The following TRPC5 variants were observed in gnomAD, a reference collection of about 807,000 sequenced individuals.
TRPC5 encodes the protein short transient receptor potential channel 5.
TRPC5 carries 9 observed loss-of-function variants against 56.5 expected under a neutral mutation model. The observed-to-expected ratio is 0.16, with a 90% CI of 0.10 to 0.28. The LOEUF is 0.28. Among genes scored for constraint, TRPC5 ranks in the 10% least tolerant of loss-of-function variants. The pLI is 1.00. For synonymous variants in TRPC5, 282 were observed against 278.5 expected, an observed-to-expected ratio of 1.01 and a Z score of -0.13; for missense variants, 469 against 748.9, an observed-to-expected ratio of 0.63 and a Z score of 4.36.
rs760107483 is a variant in TRPC5 at position 111,909,111 on chromosome X, C to A, written c.900+3180G>T. On this transcript the variant is annotated intron_variant, in intron 3 of 10. Coordinates refer to ENST00000262839, the MANE Select transcript of TRPC5 (RefSeq NM_012471.3). ...CCGGCCTGGCCAGCATGGCGAAACCCCGTCTCTACTAAAAATAAATAAATA... is the reference window on the plus strand; with the variant it reads ...CCGGCCTGGCCAGCATGGCGAAACCACGTCTCTACTAAAAATAAATAAATA... 3.9e-3 allele frequency among the ~76,000 whole-genome samples: 410 copies of A among 105,526 alleles called. 2 individuals carry two copies. Among genetic ancestry groups the A allele is most frequent in the Non-Finnish European group, 6.3e-3 (326 of 51,764 alleles). The allele number at this position is 105,526 out of a possible 115,157, so 91.6% of individuals were successfully genotyped here. A position where few individuals can be genotyped will look rare whatever the true frequency, so the allele number is the denominator to read the frequency against.
At chrX:112,077,818 C>G (rs1471360679) in intron 1 of TRPC5, among the ~76,000 whole-genome samples, 3 of 112,096 alleles carry the variant, frequency 2.7e-5, no homozygotes, top group African/African-American at 9.7e-5. Context: ...GTCTGCAAAC[C>G]TTTCCTTCTT....
intron 6 of TRPC5, among the ~76,000 whole-genome samples, chrX:111,840,063 G>A (rs1293325810): frequency 1.8e-5 from 2 of 111,870 alleles, no homozygotes; most frequent in Non-Finnish European, 3.8e-5. Context: ...CCAGCTACTC[G>A]GGAGGTTGAG....
intron 2 of TRPC5, among the ~76,000 whole-genome samples, chrX:111,925,165 T>A (rs915054859): frequency 8.9e-6 from 1 of 112,353 alleles, no homozygotes; most frequent in African/African-American, 3.2e-5. Context: ...TCAATTTTTT[T>A]CCTTGACGAC....
intron 3 of TRPC5, among the ~76,000 whole-genome samples, chrX:111,861,606 A>G (rs1249529481): frequency 9.0e-6 from 1 of 110,637 alleles, no homozygotes; most frequent in African/African-American, 3.3e-5. Flanking sequence ...AAACCTGTTA[A>G]TTTTTTTTTG....
intron 1 of TRPC5, among the ~76,000 whole-genome samples, chrX:112,069,855 T>C (rs1298174425): frequency 5.4e-5 from 6 of 111,384 alleles, no homozygotes; most frequent in Non-Finnish European, 9.4e-5. Context: ...GTGTCCTGCA[T>C]CTCTCAAATT....
chrX:111,884,759 C>T (rs781689750), intron 3 of TRPC5, among the ~76,000 whole-genome samples: 14 of 112,961 alleles, frequency 1.2e-4, no homozygotes, highest in Non-Finnish European at 2.4e-4. Context: ...CCAGTTATAG[C>T]CTATCCAGTG....
At chrX:112,074,317 T>TA (rs773308138) in intron 1 of TRPC5, among the ~76,000 whole-genome samples, 202 of 106,510 alleles carry the variant, frequency 1.9e-3, no homozygotes, top group African/African-American at 6.7e-3. Context: ...ATATATATAT[T>TA]TTTTATTGGG....
intron 7 of TRPC5, among the ~76,000 whole-genome samples, chrX:111,829,301 CAAAAAAA>C (rs34464345): frequency 4.5e-5 from 1 of 22,364 alleles, no homozygotes; most frequent in Non-Finnish European, 1.1e-4. Context: ...GACTCTGTCT[CAAAAAAA>C]AAAAAAAAAA....
Position 111,903,184 on chromosome X carries a change from T to A in TRPC5, c.900+9107A>T, listed in dbSNP as rs1228062733. The A allele has an allele frequency of 3.6e-5, 4 of 111,921 alleles. No individual in the cohort carries two copies. In the East Asian group the frequency reaches 1.1e-3, roughly 31 times the overall value. The allele number at this position is 111,921 out of a possible 1,213,427, so 9.2% of individuals were successfully genotyped here. A position where few individuals can be genotyped will look rare whatever the true frequency, so the allele number is the denominator to read the frequency against. On this transcript the variant is annotated intron_variant, in intron 3 of 10. Coordinates refer to ENST00000262839, the MANE Select transcript of TRPC5 (RefSeq NM_012471.3). Reference sequence around the variant, plus strand: ...TGTTTGCTTTGATTCTGTAATTTTATGTGCTTAAGGATTGTTAAGATATAA... The same window carrying A: ...TGTTTGCTTTGATTCTGTAATTTTAAGTGCTTAAGGATTGTTAAGATATAA...
intron 3 of TRPC5, among the ~76,000 whole-genome samples, chrX:111,905,741 C>CT (rs1569527863): frequency 3.7e-5 from 4 of 108,833 alleles, no homozygotes; most frequent in Non-Finnish European, 7.6e-5. Flanking sequence ...GATGAAACCC[C>CT]GTCTCTACTA....
In TRPC5 at chrX:111,805,669, T is replaced by C. The variant is rs1224715764; in HGVS notation, c.1897-23531A>G. Among the ~76,000 whole-genome samples, 5 of 111,498 alleles carry C rather than the reference T, an allele frequency of 4.5e-5. No homozygotes were observed. In the East Asian group the frequency reaches 1.1e-3, roughly 25 times the overall value. Reference sequence around the variant, plus strand: ...AGATATCTATCTATCTATCTATCTATCTATAGATATAGATATATTTTTGAG... The same window carrying C: ...AGATATCTATCTATCTATCTATCTACCTATAGATATAGATATATTTTTGAG... On this transcript the variant is annotated intron_variant, in intron 7 of 10. Coordinates refer to ENST00000262839, the MANE Select transcript of TRPC5 (RefSeq NM_012471.3).
Position 111,770,109 on chromosome X carries a change from G to A in TRPC5, c.*6204C>T, listed in dbSNP as rs1261666906. Among the ~76,000 whole-genome samples, 1 of 111,829 alleles carries A rather than the reference G, an allele frequency of 8.9e-6. No individual in the cohort carries two copies. The highest frequency in any genetic ancestry group is 1.9e-5 in the Non-Finnish European group (1 of 53,098). ...AATATCAGTCATTATCCTATTTTAT[G>A]TTTATTCCAAATTTATGAGGCTAAA... On this transcript the variant is annotated 3_prime_UTR_variant, in exon 11 of 11. Coordinates refer to ENST00000262839, the MANE Select transcript of TRPC5 (RefSeq NM_012471.3).
In TRPC5 at chrX:111,842,132, G is replaced by GTATATATATATATTATATATATATATA. The variant is rs1406226710; in HGVS notation, c.1700+4981_1700+4982insTATATATATATATAATATATATATATA. Among the ~76,000 whole-genome samples, 225 of 77,147 alleles carry GTATATATATATATTATATATATATATA rather than the reference G, an allele frequency of 2.9e-3. 17 individuals carry two copies. The highest frequency in any genetic ancestry group is 0.023 in the African/African-American group (201 of 8,619). 67.0% of individuals were successfully genotyped at this position (77,147 alleles called of 115,157 possible). ...ATATATATATATTTTATATATATAT[G>GTATATATATATATTATATATATATATA]TATATATATATATATGTATATTTTA... On this transcript the variant is annotated intron_variant, in intron 6 of 10. Transcript: ENST00000262839.
chrX:112,054,222 T>C (rs183201434), intron 1 of TRPC5, among the ~76,000 whole-genome samples: 1 of 111,301 alleles, frequency 9.0e-6, no homozygotes, highest in African/African-American at 3.3e-5. Flanking sequence ...GAGTACCTCT[T>C]TGGGGCAATG....
At chrX:111,906,319 C>G (rs913888726) in intron 3 of TRPC5, among the ~76,000 whole-genome samples, 2 of 105,362 alleles carry the variant, frequency 1.9e-5, no homozygotes, top group Non-Finnish European at 3.9e-5. Context: ...CATGCCACTG[C>G]ACTCCATCCC....
intron 1 of TRPC5, among the ~76,000 whole-genome samples, chrX:112,080,862 G>A (rs997316109): frequency 2.4e-4 from 27 of 111,970 alleles, no homozygotes; most frequent in Admixed American, 9.4e-5. Flanking sequence ...ATAAATATAT[G>A]GCAATAGAAA....
chrX:112,044,168 A>G (rs1315095071), intron 1 of TRPC5, among the ~76,000 whole-genome samples: 1 of 111,657 alleles, frequency 9.0e-6, no homozygotes, highest in East Asian at 2.8e-4. Flanking sequence ...TGTTCATTCA[A>G]ATCACTTACC....
intron 1 of TRPC5, among the ~76,000 whole-genome samples, chrX:112,038,827 G>A (rs1220050998): frequency 4.7e-5 from 5 of 105,530 alleles, no homozygotes; most frequent in Admixed American, 1.0e-4. Context: ...GACTACAGGC[G>A]CCCACCACCA....
intron 1 of TRPC5, among the ~76,000 whole-genome samples, chrX:111,955,526 G>A (rs1402645048): frequency 9.0e-6 from 1 of 111,686 alleles, no homozygotes; most frequent in Non-Finnish European, 1.9e-5. Flanking sequence ...TCTATACTAC[G>A]AATAAAGAAT....
Sources: allele counts gnomAD v4.1 joint callset (sites outside exome capture counted in the v4.1 genomes callset), GRCh38; gene constraint gnomAD v4.1.1; transcripts MANE v1.5; gene names NCBI Gene and HGNC (gene_info 2026-07-23, HGNC 2026-07-21).